RIN2: variants seen among roughly 807,000 people sequenced by gnomAD.
RIN2 encodes Ras and Rab interactor 2.
A neutral mutation model predicts 78.0 loss-of-function variants in RIN2; 36 were observed. The ratio of observed to expected loss-of-function variants is 0.46; its 90% CI spans 0.35 to 0.61. RIN2 has a LOEUF of 0.61. Among genes scored for constraint, RIN2 ranks in the 20% least tolerant of loss-of-function variants. RIN2 has a pLI of 0.00. For missense variants in RIN2, 1,087 were observed against 1,159.7 expected (o/e 0.94, Z 0.91); for synonymous variants, 466 against 466.8 (o/e 1.00, Z 0.02).
At chr20:19,859,686 A>G (rs2037275445) in intron 2 of RIN2, among the ~76,000 whole-genome samples, 1 of 152,228 alleles carries the variant, frequency 6.6e-6, no homozygotes, top group South Asian at 2.1e-4. Flanking sequence ...CCTTCCTAAG[A>G]GCCAGATCCA....
chr20:19,928,168 G>A (rs1180368877), intron 3 of RIN2, among the ~76,000 whole-genome samples: 1 of 152,254 alleles, frequency 6.6e-6, no homozygotes, highest in Admixed American at 6.5e-5. Context: ...CTCCCAAAAT[G>A]TTGGGATTAC....
chr20:19,880,593 G>A (rs1214983695), intron 2 of RIN2, among the ~76,000 whole-genome samples: 2 of 151,788 alleles, frequency 1.3e-5, no homozygotes, highest in African/African-American at 4.8e-5. Flanking sequence ...TTGCTGTGCT[G>A]CTGGGCTCAA....
chr20:19,889,398 G>T, intron 2 of RIN2, 168 bp from the exon 3 acceptor site: 1 of 1,198,658 alleles, frequency 8.3e-7, no homozygotes, highest in Non-Finnish European at 1.1e-6. Flanking sequence ...GCGCTGGTGG[G>T]GACAGGAAAT....
chr20:19,879,358 G>A (rs754734299), intron 2 of RIN2, among the ~76,000 whole-genome samples: 1 of 152,160 alleles, frequency 6.6e-6, no homozygotes, highest in Non-Finnish European at 1.5e-5. Flanking sequence ...GCTAATTTCT[G>A]GAGTCTGGTT....
upstream of RIN2, chr20:19,758,052 TC>T (rs1298261795): frequency 2.0e-5 from 3 of 152,428 alleles, no homozygotes; most frequent in East Asian, 5.8e-4. Context: ...TCCGATCCGA[TC>T]ACCCCCGCCC....
At chr20:19,918,433 A>G (rs2039775608) in intron 3 of RIN2, among the ~76,000 whole-genome samples, 2 of 152,050 alleles carry the variant, frequency 1.3e-5, no homozygotes, top group Admixed American at 1.3e-4. Context: ...TCAACAGGAC[A>G]TTAAAGCTGG....
At chr20:19,939,922 T>G (rs1600874122) in intron 4 of RIN2, among the ~76,000 whole-genome samples, 2 of 151,890 alleles carry the variant, frequency 1.3e-5, no homozygotes, top group Admixed American at 6.6e-5. Flanking sequence ...GGTGTGATAT[T>G]GGCTCACTGC....
intron 4 of RIN2, among the ~76,000 whole-genome samples, chr20:19,952,113 C>A (rs1238830534): frequency 6.6e-6 from 1 of 152,338 alleles, no homozygotes; most frequent in East Asian, 1.9e-4. Flanking sequence ...CCTGGTCCCA[C>A]AGGGAGCTCA....
intron 3 of RIN2, among the ~76,000 whole-genome samples, chr20:19,922,414 A>G (rs1005348304): frequency 6.6e-6 from 1 of 152,182 alleles, no homozygotes; most frequent in Non-Finnish European, 1.5e-5. Flanking sequence ...CCCCTCTGGC[A>G]GAAGTGCTGG....
Position 20,000,897 on chromosome 20 carries a change from C to T in RIN2, c.2649C>T (p.Ile883=). The part of the protein sequence containing the change: ...YKRIKNDPYG[I]IFQNGEEDLT... ...GCATCAAGAACGATCCTTATGGCATCATTTTCCAGAACGGGGAAGAAGACC... is the reference window on the plus strand; with the variant it reads ...GCATCAAGAACGATCCTTATGGCATTATTTTCCAGAACGGGGAAGAAGACC... The change falls in exon 13 of 13, where the codon ATC becomes ATT. Residue 883 remains isoleucine, a synonymous_variant. Transcript: ENST00000255006. The T allele has an allele frequency of 6.2e-7, 1 of 1,613,456 alleles. No homozygotes were observed. Among genetic ancestry groups the T allele is most frequent in the Non-Finnish European group, 8.5e-7 (1 of 1,179,522 alleles).
At chr20:19,866,795 T>C (rs2037522213) in intron 2 of RIN2, among the ~76,000 whole-genome samples, 1 of 152,048 alleles carries the variant, frequency 6.6e-6, no homozygotes, top group Admixed American at 6.5e-5. Context: ...AGCATAATTA[T>C]TGTATTTTTA....
intron 2 of RIN2, among the ~76,000 whole-genome samples, chr20:19,843,547 C>G (rs1352333821): frequency 6.6e-6 from 1 of 152,274 alleles, no homozygotes; most frequent in Admixed American, 6.5e-5. Context: ...TTTTTACATA[C>G]ACAAATTGTT....
intron 2 of RIN2, among the ~76,000 whole-genome samples, chr20:19,826,155 A>G (rs150934264): frequency 3.9e-5 from 6 of 152,284 alleles, no homozygotes; most frequent in African/African-American, 1.4e-4. Context: ...TATGCTGTTA[A>G]TTTCTAAACA....
chr20:19,972,159 A>G (rs1000358646), intron 8 of RIN2, among the ~76,000 whole-genome samples: 1 of 152,158 alleles, frequency 6.6e-6, no homozygotes, highest in Non-Finnish European at 1.5e-5. Flanking sequence ...GGGCCATAGA[A>G]ACGTCCCTAT....
chr20:19,981,151 G>A (rs985845068), intron 9 of RIN2, among the ~76,000 whole-genome samples: 5 of 152,168 alleles, frequency 3.3e-5, no homozygotes, highest in East Asian at 1.9e-4. Context: ...AACCAAAGGC[G>A]TAGCAAGGTC....
intron 2 of RIN2, among the ~76,000 whole-genome samples, chr20:19,867,611 T>C (rs778351658): frequency 3.3e-5 from 5 of 152,212 alleles, no homozygotes; most frequent in Non-Finnish European, 5.9e-5. Context: ...TGTCTGATGC[T>C]CCTCACAGTA....
At chr20:19,883,947 A>G (rs1326277620) in intron 2 of RIN2, among the ~76,000 whole-genome samples, 1 of 151,456 alleles carries the variant, frequency 6.6e-6, no homozygotes, top group Non-Finnish European at 1.5e-5. Context: ...ATTGTTCCTA[A>G]TTACATTTTT....
rs1459259971 is a variant in RIN2 at position 19,975,442 on chromosome 20, A to G, written c.1417A>G (p.Met473Val). Residue 473 changes from methionine to valine, a missense_variant, in exon 9 of 13, where the codon ATG becomes GTG. Physicochemically the swap from Met to Val is conservative, Grantham distance 21. This residue lies in a region of RIN2 where 706 missense variants were observed against 667.5 expected (regional missense o/e 1.06). Transcript: ENST00000255006. This position sits in a 1 kb window ranked among gnomAD's most constrained non-coding sequence, Gnocchi z 4.9. The part of the protein sequence containing the change: ...DYEGESDQET[M>V]APPIKSKKKR... ...CGAGGGGGAAAGTGACCAAGAGACC[A>G]TGGCGCCCCCCATCAAGTCCAAAAA... 2 of 1,614,056 alleles carry G rather than the reference A, an allele frequency of 1.2e-6. No homozygotes were observed. The highest frequency in any genetic ancestry group is 8.5e-7 in the Non-Finnish European group (1 of 1,179,894).
chr20:19,935,023 C>A, intron 3 of RIN2, 76 bp from the exon 4 acceptor site: 3 of 1,059,574 alleles, frequency 2.8e-6, no homozygotes, highest in Middle Eastern at 2.0e-4. Flanking sequence ...TATTGAAAAG[C>A]CTGAGTTCCC....
Sources: allele counts gnomAD v4.1 joint callset (sites outside exome capture counted in the v4.1 genomes callset), GRCh38; gene constraint gnomAD v4.1.1; regional missense constraint gnomAD v4.1.1; non-coding constraint Gnocchi (gnomAD v3.1); transcripts MANE v1.5; gene names NCBI Gene and HGNC (gene_info 2026-07-23, HGNC 2026-07-21).